RBBP6: variants seen among roughly 807,000 people sequenced by gnomAD.
RBBP6 encodes RB binding protein 6, ubiquitin ligase, also known as E3 ubiquitin-protein ligase RBBP6.
Under a neutral mutation model 167.7 loss-of-function variants are expected in RBBP6, and 25 were observed. That is an observed-to-expected ratio of 0.15 (90% CI 0.11 to 0.21). The LOEUF (loss-of-function observed/expected upper bound fraction) is 0.21, where lower values mean the gene tolerates loss of function less well. RBBP6 is among the 10% of genes least tolerant of loss of function. The pLI is 1.00. For missense variants in RBBP6, 1,868 were observed against 2,134.2 expected (o/e 0.88, Z 2.46); for synonymous variants, 789 against 735.8 (o/e 1.07, Z -1.17).
In RBBP6 at chr16:24,572,649, A is replaced by G. The variant is rs745949345; in HGVS notation, c.*204A>G. ...GAATTGTGAGTTGTGACCATGTAACATGAGAGGTTTTGCTAGGGCCTATTA... is the reference window on the plus strand; with the variant it reads ...GAATTGTGAGTTGTGACCATGTAACGTGAGAGGTTTTGCTAGGGCCTATTA... On this transcript the variant is annotated 3_prime_UTR_variant, in exon 18 of 18. Transcript: ENST00000319715. 8 of 668,678 alleles carry G rather than the reference A, an allele frequency of 1.2e-5. No homozygotes were observed. The highest frequency in any genetic ancestry group is 1.8e-5 in the Non-Finnish European group (8 of 446,714). 41.4% of individuals were successfully genotyped at this position (668,678 alleles called of 1,614,324 possible). A position where few individuals can be genotyped will look rare whatever the true frequency, so the allele number is the denominator to read the frequency against.
At position 24,561,967 on chromosome 16, in the gene RBBP6, A is replaced by T. The variant is rs1207604703; in HGVS notation, c.1095A>T (p.Gln365His). The T allele has an allele frequency of 1.9e-6, 3 of 1,613,432 alleles. No homozygotes were observed. The highest frequency in any genetic ancestry group is 2.5e-6 in the Non-Finnish European group (3 of 1,179,738). ...TGATGAGATCTCCGATATCAAGACAACAAGATCCTCTTATGATTCCAGTGA... is the reference window on the plus strand; with the variant it reads ...TGATGAGATCTCCGATATCAAGACATCAAGATCCTCTTATGATTCCAGTGA... ...QPLMRSPISR[Q>H]QDPLMIPVTS... The change falls in exon 10 of 18, where the codon CAA becomes CAT. Residue 365 changes from glutamine (Q) to histidine (H), a missense_variant. Physicochemically the swap from Gln to His is conservative, Grantham distance 24. Transcript: ENST00000319715.
chr16:24,543,164 T>C (rs1898547183), intron 1 of RBBP6, among the ~76,000 whole-genome samples: 1 of 152,226 alleles, frequency 6.6e-6, no homozygotes, highest in African/African-American at 2.4e-5. Context: ...TATGGTAATC[T>C]TTTTATCACA....
chr16:24,564,249 G>A (rs886459017), intron 13 of RBBP6, among the ~76,000 whole-genome samples: 5 of 152,176 alleles, frequency 3.3e-5, no homozygotes, highest in Admixed American at 2.6e-4. Flanking sequence ...TATATAATCC[G>A]ATTGAAAATT....
Position 24,561,732 on chromosome 16 carries a change from A to G in RBBP6, c.951+17A>G. On this transcript the variant is annotated intron_variant, in intron 9 of 17. Transcript: ENST00000319715. Reference sequence around the variant, plus strand: ...TTACGACAGGTAACTGTCTGTATCCATTTTATGAAAAAATTCTTTTTAACT... The same window carrying G: ...TTACGACAGGTAACTGTCTGTATCCGTTTTATGAAAAAATTCTTTTTAACT... 1.2e-6 allele frequency: 2 copies of G among 1,610,966 alleles called. No individual in the cohort carries two copies. Among genetic ancestry groups the G allele is most frequent in the Non-Finnish European group, 1.7e-6 (2 of 1,177,374 alleles).
chr16:24,560,431 A>G (rs1381287348), intron 8 of RBBP6, among the ~76,000 whole-genome samples: 1 of 152,184 alleles, frequency 6.6e-6, no homozygotes, highest in Non-Finnish European at 1.5e-5. Flanking sequence ...ATTACCCAGC[A>G]TTTACCATGC....
chr16:24,547,986 A>C (rs1898699859), intron 2 of RBBP6, among the ~76,000 whole-genome samples: 1 of 151,580 alleles, frequency 6.6e-6, no homozygotes, highest in African/African-American at 2.4e-5. Context: ...GCCTCATAAA[A>C]TGCATCTCAG....
chr16:24,550,091 GT>G (rs1898759451), intron 3 of RBBP6, among the ~76,000 whole-genome samples: 1 of 151,900 alleles, frequency 6.6e-6, no homozygotes, highest in Non-Finnish European at 1.5e-5. Context: ...AATGCAAGAT[GT>G]CTAAAATCTT....
intron 1 of RBBP6, among the ~76,000 whole-genome samples, chr16:24,543,269 G>A (rs1898549069): frequency 6.8e-6 from 1 of 147,494 alleles, no homozygotes; most frequent in African/African-American, 2.5e-5. Context: ...TTGGAATTAT[G>A]TGCATGTTTA....
At chr16:24,549,778 A>G (rs1390291333) in intron 3 of RBBP6, among the ~76,000 whole-genome samples, 1 of 152,028 alleles carries the variant, frequency 6.6e-6, no homozygotes, top group East Asian at 1.9e-4. Flanking sequence ...TGTCCAAATT[A>G]AAATATTTCC....
At chr16:24,565,315 A>C (rs373993562) in intron 14 of RBBP6, among the ~76,000 whole-genome samples, 1 of 152,204 alleles carries the variant, frequency 6.6e-6, no homozygotes, top group East Asian at 1.9e-4. Context: ...AAAAGAAGAG[A>C]CAGGAGATTG....
chr16:24,552,739 T>TA (rs998297656), intron 3 of RBBP6, among the ~76,000 whole-genome samples: 23 of 151,964 alleles, frequency 1.5e-4, no homozygotes, highest in African/African-American at 5.5e-4. Context: ...TCTTCAGTGT[T>TA]AGAGAATTGG....
In RBBP6 at chr16:24,557,241, C is replaced by G. The variant is rs559289385; in HGVS notation, c.674+794C>G. On this transcript the variant is annotated intron_variant, in intron 7 of 17. Coordinates refer to ENST00000319715, the MANE Select transcript of RBBP6 (RefSeq NM_006910.5). ...TTGTGCTCCACCCGCCTCGGCCTCTCAAAGTGCTGGGATTACAGGCATGAG... is the reference window on the plus strand; with the variant it reads ...TTGTGCTCCACCCGCCTCGGCCTCTGAAAGTGCTGGGATTACAGGCATGAG... 3.3e-5 allele frequency among the ~76,000 whole-genome samples: 5 copies of G among 152,188 alleles called. No individual in the cohort carries two copies. In the East Asian group the frequency reaches 7.7e-4, roughly 24 times the overall value.
chr16:24,542,428 A>C (rs1472254351), intron 1 of RBBP6, among the ~76,000 whole-genome samples: 1 of 151,066 alleles, frequency 6.6e-6, no homozygotes, highest in African/African-American at 2.4e-5. Flanking sequence ...GGCGTTATCC[A>C]TCTTTTCGAC....
intron 13 of RBBP6, among the ~76,000 whole-genome samples, chr16:24,563,968 T>A (rs1016416454): frequency 6.6e-6 from 1 of 152,172 alleles, no homozygotes; most frequent in African/African-American, 2.4e-5. Context: ...TAGATAAGAA[T>A]TACTTGAAAA....
At position 24,571,020 on chromosome 16, in the gene RBBP6, A is replaced by G; in HGVS notation, c.3954A>G (p.Gln1318=). The G allele has an allele frequency of 6.2e-7, 1 of 1,613,026 alleles. No homozygotes were observed. The highest frequency in any genetic ancestry group is 8.5e-7 in the Non-Finnish European group (1 of 1,179,022). Residue 1318 remains glutamine (Q), a synonymous_variant, in exon 18 of 18, where the codon CAA becomes CAG. Coordinates refer to ENST00000319715, the MANE Select transcript of RBBP6 (RefSeq NM_006910.5). ...EDVIIMIQVP[Q]SKWDKDDFES... ...TTATCATTATGATTCAGGTTCCTCAATCCAAATGGGATAAAGATGACTTTG... is the reference window on the plus strand; with the variant it reads ...TTATCATTATGATTCAGGTTCCTCAGTCCAAATGGGATAAAGATGACTTTG...
Position 24,570,399 on chromosome 16 carries a change from T to A in RBBP6, c.3709T>A (p.Ser1237Thr). Residue 1237 changes from serine to threonine, a missense_variant, in exon 17 of 18, where the codon TCA becomes ACA. By Grantham distance (58) the Ser-to-Thr change is moderately conservative. This residue lies in a region of RBBP6 where 673 missense variants were observed against 691.5 expected (regional missense o/e 0.97). Transcript: ENST00000319715. ...NTKEPSEKLESTSSKVKQEKV... is the reference protein window; with the variant it reads ...NTKEPSEKLETTSSKVKQEKV... ...AAAAGAACCCTCTGAAAAATTGGAG[T>A]CAACATCTAGCAAAGTTAAACAAGA... 6.2e-7 allele frequency: 1 copy of A among 1,612,010 alleles called. No individual in the cohort carries two copies. The highest frequency in any genetic ancestry group is 8.5e-7 in the Non-Finnish European group (1 of 1,179,598).
At chr16:24,562,215 GT>G (rs777022789) in intron 10 of RBBP6, 54 bp downstream of exon 10, 8 of 1,474,452 alleles carry the variant, frequency 5.4e-6, no homozygotes, top group Non-Finnish European at 7.5e-6. Flanking sequence ...ATGATGTAGT[GT>G]TTTGTTGTTG....
At chr16:24,558,988 T>A (rs1898984586) in intron 7 of RBBP6, among the ~76,000 whole-genome samples, 1 of 152,246 alleles carries the variant, frequency 6.6e-6, no homozygotes, top group South Asian at 2.1e-4. Context: ...TTGTATAATG[T>A]CAGTACTAAT....
rs1213115777 is a variant in RBBP6 at position 24,569,393 on chromosome 16, G to C, written c.2703G>C (p.Lys901Asn). 6 of 1,614,062 alleles carry C rather than the reference G, an allele frequency of 3.7e-6. No individual in the cohort carries two copies. The highest frequency in any genetic ancestry group is 1.1e-5 in the South Asian group (1 of 91,086). ...ACATAGGTAGCAACTATCCAGAAAA[G>C]CTTTCAGCAAGAGATGGTCACAATC... ...SRNIGSNYPE[K>N]LSARDGHNQK... Residue 901 changes from lysine to asparagine, a missense_variant, in exon 17 of 18, where the codon AAG becomes AAC. Lys to Asn is a moderately conservative substitution (Grantham distance 94, BLOSUM62 0). This residue lies in a region of RBBP6 where 673 missense variants were observed against 691.5 expected (regional missense o/e 0.97). Coordinates refer to ENST00000319715, the MANE Select transcript of RBBP6 (RefSeq NM_006910.5).
Sources: allele counts gnomAD v4.1 joint callset (sites outside exome capture counted in the v4.1 genomes callset), GRCh38; gene constraint gnomAD v4.1.1; regional missense constraint gnomAD v4.1.1; transcripts MANE v1.5; gene names NCBI Gene and HGNC (gene_info 2026-07-23, HGNC 2026-07-21).